The following ROBO1 variants were observed in gnomAD, a reference collection of about 807,000 sequenced individuals.
ROBO1 encodes roundabout guidance receptor 1.
ROBO1 carries 149 observed loss-of-function variants against 195.9 expected under a neutral mutation model. The observed-to-expected ratio is 0.76, with a 90% CI of 0.67 to 0.87. ROBO1 has a LOEUF of 0.87. Among genes scored for constraint, ROBO1 ranks in the 40% least tolerant of loss-of-function variants. ROBO1 has a pLI of 0.00. For missense variants in ROBO1, 1,933 were observed against 2,068.3 expected, an observed-to-expected ratio of 0.93 and a Z score of 1.27; for synonymous variants, 816 against 733.2, an observed-to-expected ratio of 1.11 and a Z score of -1.82.
intron 1 of ROBO1, among the ~76,000 whole-genome samples, chr3:79,602,876 C>T (rs1322125012): frequency 6.6e-6 from 1 of 151,866 alleles, no homozygotes; most frequent in African/African-American, 2.4e-5. Context: ...TGATGGTATT[C>T]TAGTATTTTG....
chr3:79,067,202 GCATATAA>G (rs754879665), intron 3 of ROBO1, among the ~76,000 whole-genome samples: 33 of 151,904 alleles, frequency 2.2e-4, no homozygotes, highest in Non-Finnish European at 4.1e-4. Context: ...AGCCAGGAGA[GCATATAA>G]TACTTATGTA....
chr3:79,518,766 G>C lies in ROBO1; in HGVS notation c.88+71058C>G, dbSNP rs183975791. On this transcript the variant is annotated intron_variant, in intron 2 of 30. Coordinates refer to ENST00000464233, the MANE Select transcript of ROBO1 (RefSeq NM_002941.4). Reference sequence around the variant, plus strand: ...TGCGATCTCGGCTCACTGCCTCCCGGGTTCAAGCAATTCTCCTGCCTCAGA... The same window carrying C: ...TGCGATCTCGGCTCACTGCCTCCCGCGTTCAAGCAATTCTCCTGCCTCAGA... Among the ~76,000 whole-genome samples the C allele has an allele frequency of 1.2e-3, 178 of 151,838 alleles. 2 individuals carry two copies. The highest frequency in any genetic ancestry group is 9.9e-3 in the Admixed American group (151 of 15,246).
chr3:79,052,891 G>C (rs2078730680), intron 3 of ROBO1, among the ~76,000 whole-genome samples: 1 of 151,910 alleles, frequency 6.6e-6, no homozygotes, highest in Non-Finnish European at 1.5e-5. Context: ...GTATGGTCCG[G>C]GTTAACTATG....
At chr3:79,403,413 A>T (rs983624430) in intron 2 of ROBO1, among the ~76,000 whole-genome samples, 5 of 152,040 alleles carry the variant, frequency 3.3e-5, no homozygotes. Context: ...ATTCATCACC[A>T]TATTTCCTCA....
rs1440943352 is a variant in ROBO1, at chr3:79,444,989, G to T, written c.88+144835C>A. Among the ~76,000 whole-genome samples, 4 of 151,828 alleles carry T rather than the reference G, an allele frequency of 2.6e-5. No individual in the cohort carries two copies. The East Asian group carries it at 7.8e-4, about 30-fold the overall frequency. ...TAAGATGGCAGGGATGAATGAAGAA[G>T]ATGTTATCCAAGAAGAATAGCAAGC... On this transcript the variant is annotated intron_variant, in intron 2 of 30. Coordinates refer to ENST00000464233, the MANE Select transcript of ROBO1 (RefSeq NM_002941.4).
At position 79,060,952 on chromosome 3, in the gene ROBO1, C is replaced by T. The variant is rs553652550; in HGVS notation, c.172+64504G>A. Among the ~76,000 whole-genome samples the T allele has an allele frequency of 1.4e-4, 22 of 152,260 alleles. No individual in the cohort carries two copies. In the South Asian group the frequency reaches 2.5e-3, roughly 17 times the overall value. ...TGAAAACTGGCACAAGGCAAGGATGCCCTCTCTCACCACTCCTATTCAACA... is the reference window on the plus strand; with the variant it reads ...TGAAAACTGGCACAAGGCAAGGATGTCCTCTCTCACCACTCCTATTCAACA... On this transcript the variant is annotated intron_variant, in intron 3 of 30. Coordinates refer to ENST00000464233, the MANE Select transcript of ROBO1 (RefSeq NM_002941.4).
At chr3:79,311,346 C>T (rs527991518) in intron 2 of ROBO1, among the ~76,000 whole-genome samples, 12 of 152,006 alleles carry the variant, frequency 7.9e-5, no homozygotes, top group South Asian at 2.1e-4. Context: ...CTAAAAAGTA[C>T]GCGATACTTT....
At chr3:79,376,932 C>A (rs1159765510) in intron 2 of ROBO1, among the ~76,000 whole-genome samples, 1 of 152,126 alleles carries the variant, frequency 6.6e-6, no homozygotes, top group Admixed American at 6.5e-5. Context: ...ACCACTTCAA[C>A]TTTCACTTAT....
intron 1 of ROBO1, among the ~76,000 whole-genome samples, chr3:79,690,671 C>G (rs567216496): frequency 6.6e-6 from 1 of 151,924 alleles, no homozygotes; most frequent in African/African-American, 2.4e-5. Flanking sequence ...CATGTTTTAT[C>G]CTGTAATCCC....
At chr3:78,858,353 C>A (rs1315274464) in intron 4 of ROBO1, among the ~76,000 whole-genome samples, 1 of 152,054 alleles carries the variant, frequency 6.6e-6, no homozygotes, top group Non-Finnish European at 1.5e-5. Context: ...ATGAACTATG[C>A]TGTCACCTAA....
chr3:78,937,340 A>C (rs1236619561), intron 4 of ROBO1, among the ~76,000 whole-genome samples: 6 of 151,846 alleles, frequency 4.0e-5, no homozygotes, highest in African/African-American at 1.4e-4. Context: ...AGACTATGAA[A>C]ACTAATTATA....
intron 2 of ROBO1, among the ~76,000 whole-genome samples, chr3:79,345,504 T>C (rs963480167): frequency 6.6e-6 from 1 of 152,158 alleles, no homozygotes; most frequent in African/African-American, 2.4e-5. Context: ...TTTTGCTCTC[T>C]TTCACTTTTT....
Position 78,653,012 on chromosome 3 carries a change from A to G in ROBO1, c.2615-1083T>C, listed in dbSNP as rs568429665. Among the ~76,000 whole-genome samples, 187 of 152,212 alleles carry G rather than the reference A, an allele frequency of 1.2e-3. 2 individuals carry two copies. The highest frequency in any genetic ancestry group is 5.2e-3 in the South Asian group (25 of 4,824). The stretch of plus-strand genomic sequence containing the variant: ...AATTTTGATGTTCTTCCCCCACCAC[A>G]TCTGGTGAAACAAGAAGGTGTTGGC... On this transcript the variant is annotated intron_variant, in intron 18 of 30. Transcript: ENST00000464233.
chr3:78,653,071 A>G (rs939122650), intron 18 of ROBO1, among the ~76,000 whole-genome samples: 1 of 152,220 alleles, frequency 6.6e-6, no homozygotes, highest in African/African-American at 2.4e-5. Context: ...TCTTACAATT[A>G]TTAAATCATT....
At chr3:79,086,896 T>C (rs1043612532) in intron 3 of ROBO1, among the ~76,000 whole-genome samples, 18 of 152,176 alleles carry the variant, frequency 1.2e-4, no homozygotes, top group African/African-American at 4.3e-4. Context: ...CTCTACCTTT[T>C]ATAGGAGCAT....
At chr3:79,442,839 T>C (rs949935095) in intron 2 of ROBO1, among the ~76,000 whole-genome samples, 7 of 152,156 alleles carry the variant, frequency 4.6e-5, no homozygotes, top group Admixed American at 4.6e-4. Flanking sequence ...TCAGGATGTA[T>C]CATAGAAACA....
chr3:78,687,562 G>A (rs1246571649), intron 9 of ROBO1, among the ~76,000 whole-genome samples: 1 of 152,182 alleles, frequency 6.6e-6, no homozygotes, highest in African/African-American at 2.4e-5. Flanking sequence ...AAGGTCAGGA[G>A]TAAGTGTTAA....
chr3:78,714,639 AAAGAGT>A (rs2081855662), intron 7 of ROBO1, 115 bp from the exon 8 acceptor site: 16 of 966,244 alleles, frequency 1.7e-5, no homozygotes, highest in Non-Finnish European at 2.3e-5. Flanking sequence ...AACTTAAAAC[AAAGAGT>A]AAAACATGGT....
At chr3:79,566,514 C>G (rs979079948) in intron 2 of ROBO1, among the ~76,000 whole-genome samples, 2 of 152,050 alleles carry the variant, frequency 1.3e-5, no homozygotes, top group African/African-American at 4.8e-5. Flanking sequence ...AAAACTATCA[C>G]TTAAAAAAGT....
Sources: allele counts gnomAD v4.1 joint callset (sites outside exome capture counted in the v4.1 genomes callset), GRCh38; gene constraint gnomAD v4.1.1; transcripts MANE v1.5; gene names NCBI Gene and HGNC (gene_info 2026-07-23, HGNC 2026-07-21).